LAMA2: variants seen among roughly 807,000 people sequenced by gnomAD.
LAMA2 encodes the protein laminin subunit alpha 2, also known as laminin subunit alpha-2.
LAMA2 carries 269 observed loss-of-function variants against 364.8 expected under a neutral mutation model. The observed-to-expected ratio is 0.74, with a 90% confidence interval of 0.67 to 0.82. The LOEUF (loss-of-function observed/expected upper bound fraction) is 0.82, where lower values mean the gene tolerates loss of function less well. Ranked by LOEUF, LAMA2 falls within the 40% of genes least tolerant of loss-of-function variation. The pLI, the probability that LAMA2 is intolerant of heterozygous loss-of-function variation, is 0.00. For missense variants in LAMA2, 3,807 were observed against 3,873.2 expected, an observed-to-expected ratio of 0.98 and a Z score of 0.45; for synonymous variants, 1,379 against 1,370.6, an observed-to-expected ratio of 1.01 and a Z score of -0.14.
At chr6:129,180,138 A>T (rs1780844612) in intron 10 of LAMA2, among the ~76,000 whole-genome samples, 1 of 152,152 alleles carries the variant, frequency 6.6e-6, no homozygotes, top group African/African-American at 2.4e-5. Context: ...CAAAAACATG[A>T]TTTGACATAG....
intron 20 of LAMA2, chr6:129,293,195 G>C: frequency 1.9e-6 from 1 of 520,090 alleles, no homozygotes; most frequent in Middle Eastern, 9.7e-4. Context: ...GCAAAGATTA[G>C]ACAATTCCTA....
intron 12 of LAMA2, among the ~76,000 whole-genome samples, chr6:129,249,826 A>T (rs1786043289): frequency 6.6e-6 from 1 of 152,182 alleles, no homozygotes; most frequent in South Asian, 2.1e-4. Flanking sequence ...TGACAGGAGG[A>T]TCTGCTGTTT....
At chr6:129,036,067 T>C (rs1259588775) in intron 1 of LAMA2, among the ~76,000 whole-genome samples, 1 of 152,086 alleles carries the variant, frequency 6.6e-6, no homozygotes, top group African/African-American at 2.4e-5. Flanking sequence ...CTGTAGATTG[T>C]TTTGGGTAGC....
At chr6:129,423,963 T>C (rs1315268786) in intron 40 of LAMA2, among the ~76,000 whole-genome samples, 1 of 152,076 alleles carries the variant, frequency 6.6e-6, no homozygotes, top group Non-Finnish European at 1.5e-5. Flanking sequence ...AAGGTTATAC[T>C]ACCTGACTTC....
intron 10 of LAMA2, among the ~76,000 whole-genome samples, chr6:129,179,183 G>A (rs1197674484): frequency 6.6e-6 from 1 of 151,894 alleles, no homozygotes; most frequent in African/African-American, 2.4e-5. Context: ...AATCCTGCAG[G>A]CTCTTAGTGC....
chr6:128,972,927 T>C (rs899415325), intron 1 of LAMA2, among the ~76,000 whole-genome samples: 1 of 152,206 alleles, frequency 6.6e-6, no homozygotes, highest in African/African-American at 2.4e-5. Flanking sequence ...TTAGTTATGA[T>C]ATTGGTACTT....
intron 40 of LAMA2, among the ~76,000 whole-genome samples, chr6:129,408,612 G>C (rs1031471745): frequency 7.2e-5 from 11 of 152,170 alleles, no homozygotes; most frequent in African/African-American, 2.7e-4. Flanking sequence ...GATGGAAGAG[G>C]TCTGATATAA....
At chr6:129,178,760 G>T (rs2219787) in intron 10 of LAMA2, among the ~76,000 whole-genome samples, 1 of 151,678 alleles carries the variant, frequency 6.6e-6, no homozygotes, top group Non-Finnish European at 1.5e-5. Context: ...GTTATATTTG[G>T]TACATGTGAG....
At chr6:129,262,097 T>G (rs2114325599) in intron 15 of LAMA2, among the ~76,000 whole-genome samples, 1 of 152,260 alleles carries the variant, frequency 6.6e-6, no homozygotes, top group Admixed American at 6.5e-5. Flanking sequence ...TTTATACAAA[T>G]TCTAAGTGCC....
intron 55 of LAMA2, among the ~76,000 whole-genome samples, chr6:129,484,114 CTT>C (rs1238914330): frequency 6.6e-6 from 1 of 152,128 alleles, no homozygotes; most frequent in Non-Finnish European, 1.5e-5. Flanking sequence ...AAATTAAACT[CTT>C]TGGTCATCAA....
rs757456351 is a variant in LAMA2, at chr6:129,399,807, GTATGAAATTAGCACTAGC to G, written c.5446-1415_5446-1398del. ...GGTCGGTGAAGGGAAGGAAAGAAGG[GTATGAAATTAGCACTAGC>G]TCAGTGCAAATTTTAAAACTGTGAT... On this transcript the variant is annotated intron_variant, in intron 37 of 64. Coordinates refer to ENST00000421865, the MANE Select transcript of LAMA2 (RefSeq NM_000426.4). 9.9e-4 allele frequency among the ~76,000 whole-genome samples: 150 copies of G among 152,156 alleles called. 1 individual carries two copies. Among genetic ancestry groups the G allele is most frequent in the Non-Finnish European group, 2.0e-3 (138 of 67,994 alleles).
intron 4 of LAMA2, among the ~76,000 whole-genome samples, chr6:129,126,599 TTTACAAA>T (rs1196853447): frequency 7.2e-5 from 11 of 152,220 alleles, no homozygotes; most frequent in Admixed American, 2.6e-4. Flanking sequence ...CTTTCAAACT[TTTACAAA>T]TACAAAGAAA....
At chr6:128,949,590 ATGTT>A (rs995901591) in intron 1 of LAMA2, among the ~76,000 whole-genome samples, 20 of 152,158 alleles carry the variant, frequency 1.3e-4, no homozygotes, top group African/African-American at 4.8e-4. Context: ...AGGAAGGAGA[ATGTT>A]TGATGAGCTT....
In LAMA2 at chr6:129,280,138, G is replaced by T. The variant is rs977403170; in HGVS notation, c.2528G>T (p.Arg843Leu). Residue 843 changes from arginine (R) to leucine (L), a missense_variant, in exon 18 of 65, where the codon CGC (arginine) becomes CTC (leucine). Physicochemically the swap from Arg to Leu is moderately radical, Grantham distance 102 (BLOSUM62 -2). This residue lies in a region of LAMA2 where 3,333 missense variants were observed against 3,345.7 expected (regional missense o/e 1.00). Transcript: ENST00000421865. The stretch of plus-strand genomic sequence containing the variant: ...TGCCCTGTCGGGTACACAGGACCAC[G>T]CTGTGAGAGGTAAGAGTATACTACA... Reference protein sequence around the residue: ...DGCPVGYTGPRCERCAEGYFG... With the variant: ...DGCPVGYTGPLCERCAEGYFG... 6 of 1,603,290 alleles carry T rather than the reference G, an allele frequency of 3.7e-6. No homozygotes were observed. Among genetic ancestry groups the T allele is most frequent in the South Asian group, 2.2e-5 (2 of 90,902 alleles).
At chr6:129,452,308 T>G (rs1318346741) in intron 45 of LAMA2, among the ~76,000 whole-genome samples, 1 of 152,196 alleles carries the variant, frequency 6.6e-6, no homozygotes, top group African/African-American at 2.4e-5. Flanking sequence ...TAGCAATTTA[T>G]AGTAATTTTT....
At chr6:129,282,922 C>T (rs1432632581) in intron 18 of LAMA2, among the ~76,000 whole-genome samples, 2 of 152,086 alleles carry the variant, frequency 1.3e-5, no homozygotes, top group Non-Finnish European at 2.9e-5. Flanking sequence ...TCCCTTCATT[C>T]AAACATGTAG....
intron 28 of LAMA2, among the ~76,000 whole-genome samples, chr6:129,325,115 GC>G (rs1287040424): frequency 6.6e-6 from 1 of 152,154 alleles, no homozygotes; most frequent in African/African-American, 2.4e-5. Flanking sequence ...TCTACAGTCT[GC>G]TTCATTCTCT....
chr6:128,883,430 A>T, intron 1 of LAMA2, 73 bp downstream of exon 1: 1 of 1,542,012 alleles, frequency 6.5e-7, no homozygotes, highest in Non-Finnish European at 8.7e-7. Context: ...CACTCTTCCG[A>T]GAGTTGCTGT....
At chr6:128,967,690 C>A (rs1364406980) in intron 1 of LAMA2, among the ~76,000 whole-genome samples, 1 of 152,100 alleles carries the variant, frequency 6.6e-6, no homozygotes, top group Non-Finnish European at 1.5e-5. Context: ...TGAGTGGGAC[C>A]AGTTTATACA....
Sources: gnomAD v4.1 joint callset for allele counts (sites outside exome capture counted in the v4.1 genomes callset) on GRCh38, gnomAD v4.1.1 for gene constraint, gnomAD v4.1.1 regional missense constraint, MANE v1.5 for transcripts, NCBI Gene and HGNC (gene_info 2026-07-23, HGNC 2026-07-21) for gene names.